The following MMP24 variants were observed in gnomAD, a reference collection of about 807,000 sequenced individuals.
MMP24 encodes the protein matrix metalloproteinase-24.
MMP24 carries 25 observed loss-of-function variants against 62.8 expected under a neutral mutation model. That is an observed-to-expected ratio of 0.40 (90% confidence interval 0.29 to 0.56). The LOEUF is 0.56. Ranked by LOEUF, MMP24 falls within the 20% of genes least tolerant of loss-of-function variation. MMP24 has a pLI of 0.50. For synonymous variants in MMP24, 319 were observed against 350.5 expected (o/e 0.91, Z 1.00); for missense variants, 634 against 853.6 (o/e 0.74, Z 3.21).
chr20:35,239,307 G>T (rs1203891844), intron 1 of MMP24, among the ~76,000 whole-genome samples: 1 of 152,084 alleles, frequency 6.6e-6, no homozygotes, highest in African/African-American at 2.4e-5. Flanking sequence ...AAAGTGCTGA[G>T]ATTACAGGCA....
In MMP24 at chr20:35,251,189, G is replaced by A. The variant is rs545834454; in HGVS notation, c.396-716G>A. Among the ~76,000 whole-genome samples, 33 of 149,890 alleles carry A rather than the reference G, an allele frequency of 2.2e-4. No homozygotes were observed. The South Asian group carries it at 4.4e-3, about 20-fold the overall frequency. Reference sequence around the variant, plus strand: ...GCTGGAGCACAATGGCACAATCTTGGTTCACTGCAACCTCCGCCTCACGGG... The same window carrying A: ...GCTGGAGCACAATGGCACAATCTTGATTCACTGCAACCTCCGCCTCACGGG... On this transcript the variant is annotated intron_variant, in intron 2 of 8. Transcript: ENST00000246186.
At chr20:35,227,571 C>A (rs1443269556) in intron 1 of MMP24, among the ~76,000 whole-genome samples, 2 of 151,716 alleles carry the variant, frequency 1.3e-5, no homozygotes, top group Non-Finnish European at 2.9e-5. Flanking sequence ...TGGAGCTGCT[C>A]AACCAGCTTA....
chr20:35,246,701 G>A, intron 1 of MMP24, 139 bp from the exon 2 acceptor site: 1 of 936,756 alleles, frequency 1.1e-6, no homozygotes, highest in South Asian at 1.6e-5. Context: ...GCAGGATGGG[G>A]TGAAGGAAAA....
At chr20:35,239,167 C>T (rs2060476934) in intron 1 of MMP24, among the ~76,000 whole-genome samples, 1 of 151,918 alleles carries the variant, frequency 6.6e-6, no homozygotes, top group Non-Finnish European at 1.5e-5. Context: ...CTGCCTCAGC[C>T]TCCCGAGTAG....
intron 1 of MMP24, among the ~76,000 whole-genome samples, chr20:35,227,827 C>T (rs2060421409): frequency 6.6e-6 from 1 of 152,162 alleles, no homozygotes. Context: ...GATGGGGATA[C>T]AGACTCAAAG....
chr20:35,231,197 C>A (rs1385855362), intron 1 of MMP24, among the ~76,000 whole-genome samples: 1 of 152,210 alleles, frequency 6.6e-6, no homozygotes, highest in African/African-American at 2.4e-5. Context: ...AGTCAATTAT[C>A]ACAGGCCACA....
At chr20:35,233,740 T>C (rs1286736673) in intron 1 of MMP24, among the ~76,000 whole-genome samples, 2 of 152,142 alleles carry the variant, frequency 1.3e-5, no homozygotes, top group Non-Finnish European at 2.9e-5. Context: ...ATAAACTCCC[T>C]TGGACGCAGC....
At chr20:35,261,235 T>C (rs748786479) in intron 4 of MMP24, among the ~76,000 whole-genome samples, 1 of 152,002 alleles carries the variant, frequency 6.6e-6, no homozygotes, top group Admixed American at 6.6e-5. Context: ...CCCAGGGGAG[T>C]TGGCTTTCAG....
At chr20:35,253,776 T>A (rs2060560832) in intron 3 of MMP24, among the ~76,000 whole-genome samples, 1 of 152,188 alleles carries the variant, frequency 6.6e-6, no homozygotes, top group South Asian at 2.1e-4. Context: ...CTCTATTATT[T>A]GAATATTTTT....
intron 4 of MMP24, among the ~76,000 whole-genome samples, chr20:35,258,213 C>A (rs1335738665): frequency 6.6e-6 from 1 of 152,164 alleles, no homozygotes; most frequent in Non-Finnish European, 1.5e-5. Context: ...TCTAACATTT[C>A]ACCTTTAAAT....
At chr20:35,228,075 C>T (rs1399370768) in intron 1 of MMP24, among the ~76,000 whole-genome samples, 5 of 152,212 alleles carry the variant, frequency 3.3e-5, no homozygotes, top group African/African-American at 1.2e-4. Context: ...AGCCTCGCCA[C>T]CCTAAGAGAT....
intron 1 of MMP24, among the ~76,000 whole-genome samples, chr20:35,245,387 A>C (rs1044187937): frequency 1.3e-5 from 2 of 151,680 alleles, no homozygotes; most frequent in Non-Finnish European, 2.9e-5. Flanking sequence ...TACTTACTTT[A>C]TCTCTCTCTC....
rs368924948 is a variant in MMP24 at position 35,274,504 on chromosome 20, G to A, written c.1833G>A (p.Leu611=). 6.2e-7 allele frequency: 1 copy of A among 1,613,898 alleles called. No homozygotes were observed. Among genetic ancestry groups the A allele is most frequent in the African/African-American group, 1.3e-5 (1 of 74,924 alleles). ...TGGCCGTGGTCATCCCCTGCATCCT[G>A]TCCCTCTGCATCCTGGTGCTGGTCT... ...NAVAVVIPCI[L]SLCILVLVYT... is the part of the protein sequence containing the mutation. The change falls in exon 9 of 9, where the codon CTG becomes CTA. Residue 611 remains leucine (L), a synonymous_variant. Coordinates refer to ENST00000246186, the MANE Select transcript of MMP24 (RefSeq NM_006690.4). This position sits in a 1 kb window ranked among gnomAD's most constrained non-coding sequence, Gnocchi z 5.1.
At chr20:35,273,575 T>G (rs965123909) in intron 8 of MMP24, among the ~76,000 whole-genome samples, 7 of 152,078 alleles carry the variant, frequency 4.6e-5, no homozygotes. Context: ...TCTCCCTTTT[T>G]GGGGAGCCTC....
At chr20:35,238,154 G>A (rs80301407) in intron 1 of MMP24, among the ~76,000 whole-genome samples, 126 of 152,312 alleles carry the variant, frequency 8.3e-4, no homozygotes, top group African/African-American at 3.0e-3. Flanking sequence ...CCGAGGCACA[G>A]AGAGCAGAGG....
chr20:35,254,434 TC>T lies in MMP24; in HGVS notation c.513-12del. ...ACTCTCTGATCTTGCCTAATGATCC[TC>T]CCCTCTCTCACCAGCATTCACAACT... is the stretch of plus-strand genomic sequence containing the variant. On this transcript the variant is annotated splice_polypyrimidine_tract_variant and intron_variant, in intron 3 of 8. Transcript: ENST00000246186. The T allele has an allele frequency of 6.2e-6, 10 of 1,604,194 alleles. No homozygotes were observed. The highest frequency in any genetic ancestry group is 3.4e-6 in the Non-Finnish European group (4 of 1,173,004).
intron 2 of MMP24, 122 bp downstream of exon 2, chr20:35,247,110 C>A: frequency 1.7e-6 from 2 of 1,164,484 alleles, no homozygotes; most frequent in Non-Finnish European, 2.5e-6. Context: ...TCCTGCAGTG[C>A]CATCCTGGGA....
Position 35,274,230 on chromosome 20 carries a change from G to A in MMP24, c.1601-42G>A, listed in dbSNP as rs777713683. 33 of 1,544,150 alleles carry A rather than the reference G, an allele frequency of 2.1e-5. No individual in the cohort carries two copies. The highest frequency in any genetic ancestry group is 1.9e-4 in the South Asian group (16 of 83,118). Reference sequence around the variant, plus strand: ...TTCACACTGCCCCAGAGCAGGTGCCGGAAGTGTCTGGGAGTGGTGATGCTG... The same window carrying A: ...TTCACACTGCCCCAGAGCAGGTGCCAGAAGTGTCTGGGAGTGGTGATGCTG... On this transcript the variant is annotated intron_variant, in intron 8 of 8. Coordinates refer to ENST00000246186, the MANE Select transcript of MMP24 (RefSeq NM_006690.4). This position sits in a 1 kb window ranked among gnomAD's most constrained non-coding sequence, Gnocchi z 5.1.
rs749826791 is a variant in MMP24, at chr20:35,267,306, C to T, written c.1081C>T (p.Pro361Ser). ...SERKHERQPR[P>S]PRPPLGDRPS... ...GAGGAAACACGAGCGCCAGCCCAGG[C>T]CCCCTCGGCCGCCCCTCGGGGACCG... The change falls in exon 6 of 9, where the codon CCC becomes TCC. Residue 361 changes from proline (P) to serine (S), a missense_variant. Pro to Ser is a moderately conservative substitution (Grantham distance 74). Coordinates refer to ENST00000246186, the MANE Select transcript of MMP24 (RefSeq NM_006690.4). The T allele has an allele frequency of 9.4e-6, 15 of 1,597,190 alleles. No individual in the cohort carries two copies. Among genetic ancestry groups the T allele is most frequent in the Non-Finnish European group, 1.3e-5 (15 of 1,172,572 alleles).
Sources: allele counts gnomAD v4.1 joint callset (sites outside exome capture counted in the v4.1 genomes callset), GRCh38; gene constraint gnomAD v4.1.1; non-coding constraint Gnocchi (gnomAD v3.1); transcripts MANE v1.5; gene names NCBI Gene and HGNC (gene_info 2026-07-23, HGNC 2026-07-21).